Variants in AHCYL1 observed in about 807,000 individuals in gnomAD.
AHCYL1 encodes the protein S-adenosylhomocysteine hydrolase-like protein 1.
A neutral mutation model predicts 79.3 loss-of-function variants in AHCYL1; 20 were observed. That is an observed-to-expected ratio of 0.25 (90% CI 0.18 to 0.37). The LOEUF is 0.37. Among genes scored for constraint, AHCYL1 ranks in the 10% least tolerant of loss-of-function variants. The pLI, the probability that AHCYL1 is intolerant of heterozygous loss-of-function variation, is 1.00. For missense variants in AHCYL1, 330 were observed against 673.6 expected (o/e 0.49, Z 5.65); for synonymous variants, 223 against 242.2 (o/e 0.92, Z 0.74).
At chr1:110,014,049 C>T (rs908797136) in intron 5 of AHCYL1, among the ~76,000 whole-genome samples, 1 of 151,992 alleles carries the variant, frequency 6.6e-6, no homozygotes, top group Non-Finnish European at 1.5e-5. Flanking sequence ...GATCTGCCTG[C>T]CTTGGCCTCC....
At chr1:110,017,877 C>T (rs1208351999) in intron 10 of AHCYL1, 69 bp from the exon 11 acceptor site, 1 of 1,490,602 alleles carries the variant, frequency 6.7e-7, no homozygotes, top group Non-Finnish European at 9.4e-7. Flanking sequence ...GATCTTGTCT[C>T]ATTTCATGAC....
intron 1 of AHCYL1, among the ~76,000 whole-genome samples, chr1:110,007,197 A>G (rs1023942497): frequency 6.6e-6 from 1 of 152,134 alleles, no homozygotes; most frequent in Non-Finnish European, 1.5e-5. Flanking sequence ...ATCTGGGAAC[A>G]TGCCCAGAAC....
Position 110,009,111 on chromosome 1 carries a change from G to T in AHCYL1, c.198G>T (p.Ser66=). The T allele has an allele frequency of 1.2e-6, 2 of 1,613,842 alleles. No individual in the cohort carries two copies. The highest frequency in any genetic ancestry group is 8.5e-7 in the Non-Finnish European group (1 of 1,179,836). The change falls in exon 2 of 17, where the codon TCG becomes TCT. Residue 66 remains serine, a synonymous_variant. Transcript: ENST00000369799. ...CTGGCCGAAGATCTTTGTCTCGCTCGATCTCACAGTCCTCCACTGACAGCT... is the reference window on the plus strand; with the variant it reads ...CTGGCCGAAGATCTTTGTCTCGCTCTATCTCACAGTCCTCCACTGACAGCT... ...TKTGRRSLSR[S]ISQSSTDSYS...
rs1651819425 is a variant in AHCYL1, at chr1:110,021,771, C to T, written c.*91C>T. ...ACTTTTATTTTCTTCTTACTCCTTT[C>T]CTCTTGATTTTTTTCCTATAATTTC... On this transcript the variant is annotated 3_prime_UTR_variant, in exon 17 of 17. Transcript: ENST00000369799. 1 of 1,381,204 alleles carries T rather than the reference C, an allele frequency of 7.2e-7. No individual in the cohort carries two copies. The highest frequency in any genetic ancestry group is 1.5e-5 in the African/African-American group (1 of 67,758). 85.6% of individuals were successfully genotyped at this position (1,381,204 alleles called of 1,614,324 possible). A position where few individuals can be genotyped will look rare whatever the true frequency, so the allele number is the denominator to read the frequency against.
chr1:110,014,066 G>T (rs1651248611), intron 5 of AHCYL1, among the ~76,000 whole-genome samples: 1 of 151,932 alleles, frequency 6.6e-6, no homozygotes, highest in South Asian at 2.1e-4. Context: ...CTCCCAAAGT[G>T]CTGGGATTAC....
intron 6 of AHCYL1, among the ~76,000 whole-genome samples, chr1:110,015,058 T>C (rs1405889464): frequency 6.6e-6 from 1 of 152,194 alleles, no homozygotes; most frequent in Non-Finnish European, 1.5e-5. Flanking sequence ...GCTGAACACA[T>C]GGCTCAAACA....
At chr1:110,015,667 A>G (rs1435715689) in intron 7 of AHCYL1, 136 bp downstream of exon 7, 9 of 672,112 alleles carry the variant, frequency 1.3e-5, no homozygotes, top group Non-Finnish European at 2.2e-5. Context: ...TTGAGTTTTT[A>G]CTTTTGAAAA....
chr1:110,018,792 C>A, intron 13 of AHCYL1, 142 bp downstream of exon 13: 2 of 906,106 alleles, frequency 2.2e-6, no homozygotes, highest in Non-Finnish European at 1.7e-6. Context: ...AAATTGGTCC[C>A]CAAAATAAAA....
chr1:109,995,580 TC>T, intron 1 of AHCYL1: 1 of 755,574 alleles, frequency 1.3e-6, no homozygotes, highest in Non-Finnish European at 1.6e-6. Flanking sequence ...ATGCATTTGT[TC>T]CCTGTATTGG....
chr1:110,000,753 TTTTTTGC>T (rs1007892830), intron 1 of AHCYL1, among the ~76,000 whole-genome samples: 8 of 152,060 alleles, frequency 5.3e-5, no homozygotes, highest in Non-Finnish European at 5.9e-5. Context: ...GTTCTTTTTT[TTTTTTGC>T]TTTTTGCTTT....
At chr1:110,004,083 C>T (rs1017446020) in intron 1 of AHCYL1, 31 of 985,262 alleles carry the variant, frequency 3.1e-5, no homozygotes, top group Middle Eastern at 5.2e-4. Flanking sequence ...CTTCTCGCCG[C>T]GAGCATTGAC....
At chr1:110,004,475 G>A (rs947936018) in intron 1 of AHCYL1, 60 of 985,404 alleles carry the variant, frequency 6.1e-5, no homozygotes, top group Non-Finnish European at 7.1e-5. Flanking sequence ...GGAGCATTGT[G>A]TTGGGAAGGG....
chr1:110,022,041 C>T lies in AHCYL1; in HGVS notation c.*361C>T. Reference sequence around the variant, plus strand: ...GTGGAACAATCTGCAATGTCTAAATCGCCTTAAAAGAGCCCATTTCTTAGC... The same window carrying T: ...GTGGAACAATCTGCAATGTCTAAATTGCCTTAAAAGAGCCCATTTCTTAGC... On this transcript the variant is annotated 3_prime_UTR_variant, in exon 17 of 17. Transcript: ENST00000369799. 5.1e-6 allele frequency: 1 copy of T among 197,120 alleles called. No individual in the cohort carries two copies. The highest frequency in any genetic ancestry group is 1.3e-4 in the East Asian group (1 of 7,522). The allele number at this position is 197,120 out of a possible 1,614,324, so 12.2% of individuals were successfully genotyped here. A position where few individuals can be genotyped will look rare whatever the true frequency, so the allele number is the denominator to read the frequency against.
chr1:109,989,141 C>T (rs1649622168), intron 1 of AHCYL1, among the ~76,000 whole-genome samples: 1 of 152,162 alleles, frequency 6.6e-6, no homozygotes, highest in Non-Finnish European at 1.5e-5. Context: ...GATTTCTCCG[C>T]AGGTATTGAT....
At chr1:109,996,118 A>T (rs1650014206) in intron 1 of AHCYL1, among the ~76,000 whole-genome samples, 1 of 152,142 alleles carries the variant, frequency 6.6e-6, no homozygotes, top group Non-Finnish European at 1.5e-5. Context: ...GAGGCAGGAA[A>T]ATCGCTTGAA....
intron 13 of AHCYL1, 186 bp downstream of exon 13, chr1:110,018,836 C>T (rs1651602971): frequency 1.4e-6 from 1 of 728,342 alleles, no homozygotes; most frequent in Non-Finnish European, 2.3e-6. Context: ...TACTAAGTAA[C>T]ACTATTTCCT....
rs534866658 is a variant in AHCYL1, at chr1:110,015,587, G to A, written c.782+56G>A. The A allele has an allele frequency of 1.5e-5, 21 of 1,394,710 alleles. No individual in the cohort carries two copies. The South Asian group carries it at 2.0e-4, about 13-fold the overall frequency. The allele number at this position is 1,394,710 out of a possible 1,614,324, so 86.4% of individuals were successfully genotyped here. The stretch of plus-strand genomic sequence containing the variant: ...GTCCTTGCCTCAGCAAACTCTCCTG[G>A]TCTCTGTTAGGCTTTAGGACTGTGT... On this transcript the variant is annotated intron_variant, in intron 7 of 16. Transcript: ENST00000369799.
chr1:110,017,021 A>AT (rs1651461534), intron 9 of AHCYL1, among the ~76,000 whole-genome samples: 1 of 152,216 alleles, frequency 6.6e-6, no homozygotes, highest in African/African-American at 2.4e-5. Context: ...AATATATAGC[A>AT]TTTTAGCCCC....
chr1:110,001,314 G>A lies in AHCYL1; in HGVS notation c.121-7720G>A, dbSNP rs543865933. 2.7e-4 allele frequency among the ~76,000 whole-genome samples: 41 copies of A among 152,120 alleles called. No individual in the cohort carries two copies. In the South Asian group the frequency reaches 8.3e-3, roughly 31 times the overall value. On this transcript the variant is annotated intron_variant, in intron 1 of 16. Transcript: ENST00000369799. ...CGATTCTCCTGCCTCAGCCTCCTGA[G>A]TAGCTGGGACTACAGGCACACGCCA... is the stretch of plus-strand genomic sequence containing the variant.
Sources: gnomAD v4.1 joint callset for allele counts (sites outside exome capture counted in the v4.1 genomes callset) on GRCh38, gnomAD v4.1.1 for gene constraint, MANE v1.5 for transcripts, NCBI Gene and HGNC (gene_info 2026-07-23, HGNC 2026-07-21) for gene names.